Variants in GALK2 observed in about 807,000 individuals in gnomAD.
The protein encoded by GALK2 is galactokinase 2, also known as N-acetylgalactosamine kinase.
GALK2 carries 36 observed loss-of-function variants against 52.4 expected under a neutral mutation model. The ratio of observed to expected loss-of-function variants is 0.69; its 90% CI spans 0.53 to 0.91. The LOEUF (loss-of-function observed/expected upper bound fraction) is 0.91. GALK2 is among the 40% of genes least tolerant of loss of function. The pLI is 0.00. For synonymous variants in GALK2, 176 were observed against 199.1 expected (o/e 0.88, Z 0.98); for missense variants, 579 against 559.1 (o/e 1.04, Z -0.36).
At chr15:49,158,169 G>A (rs2084522099) in intron 1 of GALK2, among the ~76,000 whole-genome samples, 1 of 152,138 alleles carries the variant, frequency 6.6e-6, no homozygotes, top group African/African-American at 2.4e-5. Context: ...TGTGAATTGT[G>A]GGTATATTGG....
At chr15:49,200,997 C>G (rs1220586698) in intron 1 of GALK2, among the ~76,000 whole-genome samples, 165 bp from the exon 2 acceptor site, 2 of 151,594 alleles carry the variant, frequency 1.3e-5, no homozygotes, top group Non-Finnish European at 2.9e-5. Flanking sequence ...AAGTATGTCA[C>G]TAGGAAATTT....
intron 7 of GALK2, among the ~76,000 whole-genome samples, chr15:49,291,935 T>C (rs1320855616): frequency 5.3e-5 from 8 of 152,124 alleles, no homozygotes; most frequent in Non-Finnish European, 1.2e-4. Context: ...CACATGAGAT[T>C]TAAGTAGTTT....
At chr15:49,157,821 A>G (rs1353868734) in intron 1 of GALK2, among the ~76,000 whole-genome samples, 7 of 152,242 alleles carry the variant, frequency 4.6e-5, no homozygotes, top group Non-Finnish European at 8.8e-5. Flanking sequence ...CTTGAGTAAG[A>G]GTGTGTGAGT....
At chr15:49,192,485 G>GTATGTATATATATA in intron 1 of GALK2, among the ~76,000 whole-genome samples, 1 of 102,976 alleles carries the variant, frequency 9.7e-6, no homozygotes, top group East Asian at 3.0e-4. Context: ...ATATATATAT[G>GTATGTATATATATA]TATATATATA....
At chr15:49,291,640 C>G (rs781290145) in intron 7 of GALK2, among the ~76,000 whole-genome samples, 9 of 152,242 alleles carry the variant, frequency 5.9e-5, no homozygotes, top group Admixed American at 6.5e-5. Flanking sequence ...TTGGGGTTCC[C>G]ATGGGTGGTT....
intron 3 of GALK2, among the ~76,000 whole-genome samples, chr15:49,220,133 C>G (rs909017531): frequency 7.9e-6 from 1 of 126,658 alleles, no homozygotes; most frequent in African/African-American, 3.0e-5. Context: ...GTCCTTTCTT[C>G]TAGGTATTTT....
rs919115054 is a variant in GALK2 at position 49,329,682 on chromosome 15, T to G, written c.*1523T>G. On this transcript the variant is annotated 3_prime_UTR_variant, in exon 10 of 10. Transcript: ENST00000560031. ...TTTGTTAAAAGAATTTTGAGTTCTA[T>G]AAATCCAAAAATCTGAAACCTGAAT... 1.0e-5 allele frequency: 10 copies of G among 980,742 alleles called. No individual in the cohort carries two copies. The highest frequency in any genetic ancestry group is 1.2e-5 in the Non-Finnish European group (10 of 825,836). The allele number at this position is 980,742 out of a possible 1,614,324, so 60.8% of individuals were successfully genotyped here.
At chr15:49,336,948 CAT>C (rs1353767694) in intron 3 of GALK2, among the ~76,000 whole-genome samples, 3 of 152,154 alleles carry the variant, frequency 2.0e-5, no homozygotes, top group African/African-American at 4.8e-5. Context: ...ACAGTTAGAA[CAT>C]GTGGTATTTG....
intron 5 of GALK2, among the ~76,000 whole-genome samples, chr15:49,272,093 C>T (rs1595911655): frequency 6.6e-6 from 1 of 152,254 alleles, no homozygotes; most frequent in South Asian, 2.1e-4. Flanking sequence ...TTTCCTGAAG[C>T]AGAATGACAA....
At chr15:49,275,217 G>T (rs75963369) in intron 5 of GALK2, among the ~76,000 whole-genome samples, 9,183 of 152,172 alleles carry the variant, frequency 0.06, 554 homozygotes, top group African/African-American at 0.15. Flanking sequence ...GTTCAGTTCC[G>T]TTTTACTCTT....
intron 3 of GALK2, among the ~76,000 whole-genome samples, chr15:49,344,693 C>A (rs1471632719): frequency 6.6e-6 from 1 of 152,170 alleles, no homozygotes; most frequent in Non-Finnish European, 1.5e-5. Context: ...AAGAAGTCTG[C>A]AATCTCAGTT....
intron 1 of GALK2, among the ~76,000 whole-genome samples, chr15:49,178,216 T>TAG (rs1555397180): frequency 2.3e-4 from 26 of 115,484 alleles, no homozygotes; most frequent in African/African-American, 8.4e-4. Context: ...TATATATATA[T>TAG]ATATATATAT....
In GALK2 at chr15:49,242,115, T is replaced by G. The variant is rs1202527690; in HGVS notation, c.504+2748T>G. On this transcript the variant is annotated intron_variant, in intron 5 of 9. Coordinates refer to ENST00000560031, the MANE Select transcript of GALK2 (RefSeq NM_002044.4). ...TTTAAATGCCATGTGATTTTACTCT[T>G]GTAAAAATCACAGAATATAAGAATT... Among the ~76,000 whole-genome samples, 3 of 152,314 alleles carry G rather than the reference T, an allele frequency of 2.0e-5. No individual in the cohort carries two copies. The East Asian group carries it at 5.8e-4, about 29-fold the overall frequency.
rs565328340 is a variant in GALK2 at position 49,241,106 on chromosome 15, T to C, written c.504+1739T>C. Among the ~76,000 whole-genome samples the C allele has an allele frequency of 2.6e-5, 4 of 152,042 alleles. No homozygotes were observed. In the East Asian group the frequency reaches 5.8e-4, roughly 22 times the overall value. On this transcript the variant is annotated intron_variant, in intron 5 of 9. Transcript: ENST00000560031. ...GTATGATTCATTGGAATAAGAGATATGGGGGAAAAATAGGTTTGAGTGGAA... is the reference window on the plus strand; with the variant it reads ...GTATGATTCATTGGAATAAGAGATACGGGGGAAAAATAGGTTTGAGTGGAA...
At chr15:49,360,753 T>C (rs2044081606) in intron 3 of GALK2, among the ~76,000 whole-genome samples, 2 of 152,172 alleles carry the variant, frequency 1.3e-5, no homozygotes, top group African/African-American at 4.8e-5. Context: ...CATCCAAAAA[T>C]TATATTTAAA....
Position 49,299,553 on chromosome 15 carries a change from T to C in GALK2, c.967+7016T>C, listed in dbSNP as rs79776128. On this transcript the variant is annotated intron_variant, in intron 8 of 9. Transcript: ENST00000560031. ...TATAAATTTCCTCTTAACACTACTTTAGCTGTGCCCTACAAATTCTGATAT... is the reference window on the plus strand; with the variant it reads ...TATAAATTTCCTCTTAACACTACTTCAGCTGTGCCCTACAAATTCTGATAT... Among the ~76,000 whole-genome samples, 4 of 152,258 alleles carry C rather than the reference T, an allele frequency of 2.6e-5. No individual in the cohort carries two copies. The East Asian group carries it at 5.8e-4, about 22-fold the overall frequency.
chr15:49,191,937 A>G (rs2086753403), intron 1 of GALK2, among the ~76,000 whole-genome samples: 1 of 151,380 alleles, frequency 6.6e-6, no homozygotes, highest in South Asian at 2.1e-4. Context: ...TCTTCCTTTT[A>G]TATCACTATG....
chr15:49,188,948 A>C (rs1024343983), intron 1 of GALK2, among the ~76,000 whole-genome samples: 1 of 152,212 alleles, frequency 6.6e-6, no homozygotes, highest in Non-Finnish European at 1.5e-5. Context: ...GCATAATAAA[A>C]AGCAGATTAT....
At chr15:49,208,734 T>C (rs1401779993) in intron 2 of GALK2, among the ~76,000 whole-genome samples, 2 of 152,328 alleles carry the variant, frequency 1.3e-5, no homozygotes, top group East Asian at 3.9e-4. Flanking sequence ...ATGACCTGTC[T>C]AGTGCTGTCA....
Sources: gnomAD v4.1 joint callset for allele counts (sites outside exome capture counted in the v4.1 genomes callset) on GRCh38, gnomAD v4.1.1 for gene constraint, MANE v1.5 for transcripts, NCBI Gene and HGNC (gene_info 2026-07-23, HGNC 2026-07-21) for gene names.